The following ATP11C variants were observed in gnomAD, a reference collection of about 807,000 sequenced individuals.
ATP11C encodes the protein phospholipid-transporting ATPase IG.
Under a neutral mutation model 97.4 loss-of-function variants are expected in ATP11C, and 36 were observed. The observed-to-expected ratio is 0.37, with a 90% confidence interval of 0.28 to 0.49. ATP11C has a LOEUF of 0.49. Ranked by LOEUF, ATP11C falls within the 20% of genes least tolerant of loss-of-function variation. The pLI, the probability that ATP11C is intolerant of heterozygous loss-of-function variation, is 0.98. For synonymous variants in ATP11C, 275 were observed against 290.9 expected, an observed-to-expected ratio of 0.95 and a Z score of 0.56; for missense variants, 730 against 824.6, an observed-to-expected ratio of 0.89 and a Z score of 1.40.
rs572379798 is a variant in ATP11C at position 139,865,675 on chromosome X, C to T, written c.28-38852G>A. Among the ~76,000 whole-genome samples the T allele has an allele frequency of 3.1e-3, 347 of 110,897 alleles. 3 individuals carry two copies. The highest frequency in any genetic ancestry group is 0.011 in the African/African-American group (324 of 30,481). ...TACTCGGAGACTAAGGCAGTAGAAT[C>T]GCTTGAACCCGGGAGGCGGAGGTTG... On this transcript the variant is annotated intron_variant, in intron 1 of 29. Coordinates refer to ENST00000682941, the MANE Select transcript of ATP11C (RefSeq NM_001353812.2).
chrX:139,805,620 T>C (rs1468916914), intron 5 of ATP11C, among the ~76,000 whole-genome samples: 1 of 112,115 alleles, frequency 8.9e-6, no homozygotes, highest in Non-Finnish European at 1.9e-5. Flanking sequence ...TTGAAAATTA[T>C]AAATAATACT....
intron 19 of ATP11C, among the ~76,000 whole-genome samples, chrX:139,769,846 A>C (rs2082219183): frequency 9.0e-6 from 1 of 111,317 alleles, no homozygotes; most frequent in Admixed American, 9.6e-5. Context: ...CTGGGGTGTG[A>C]TGTGAGATTT....
At chrX:139,823,880 T>C (rs1414822640) in intron 2 of ATP11C, among the ~76,000 whole-genome samples, 1 of 110,923 alleles carries the variant, frequency 9.0e-6, no homozygotes, top group Non-Finnish European at 1.9e-5. Context: ...AGACAATCTA[T>C]AGAATGGCAG....
At chrX:139,756,551 T>C (rs1218083461) in intron 23 of ATP11C, among the ~76,000 whole-genome samples, 1 of 111,599 alleles carries the variant, frequency 9.0e-6, no homozygotes, top group Non-Finnish European at 1.9e-5. Flanking sequence ...CTTCATAATA[T>C]CAAAGATATG....
intron 1 of ATP11C, among the ~76,000 whole-genome samples, chrX:139,835,684 C>T (rs1330607139): frequency 9.3e-6 from 1 of 108,035 alleles, no homozygotes; most frequent in Non-Finnish European, 1.9e-5. Context: ...GGATTACAGC[C>T]GTGAGCCACC....
At chrX:139,772,755 A>G (rs1603355136) in intron 19 of ATP11C, among the ~76,000 whole-genome samples, 1 of 111,608 alleles carries the variant, frequency 9.0e-6, no homozygotes, top group East Asian at 2.8e-4. Context: ...GAACGGCTAT[A>G]TTTACCCAAT....
At chrX:139,924,212 G>C in intron 1 of ATP11C, 1 of 384,603 alleles carries the variant, frequency 2.6e-6, no homozygotes, top group Non-Finnish European at 5.2e-6. Flanking sequence ...ATACTTCCTG[G>C]CTCCCCCACT....
intron 1 of ATP11C, among the ~76,000 whole-genome samples, chrX:139,911,265 G>A (rs183862412): frequency 2.1e-4 from 23 of 111,493 alleles, no homozygotes; most frequent in African/African-American, 7.2e-4. Context: ...ATATGAAAAG[G>A]ACTCTTAAAG....
intron 3 of ATP11C, among the ~76,000 whole-genome samples, chrX:139,817,231 CTAT>C (rs1473875787): frequency 8.9e-6 from 1 of 112,373 alleles, no homozygotes; most frequent in Non-Finnish European, 1.9e-5. Context: ...AGCGCTTGTG[CTAT>C]TATCAGCAAA....
At chrX:139,791,170 T>C (rs780588072) in intron 12 of ATP11C, among the ~76,000 whole-genome samples, 2 of 111,298 alleles carry the variant, frequency 1.8e-5, no homozygotes, top group South Asian at 3.8e-4. Context: ...TTTTTTTTTT[T>C]CTGTTAAGCC....
rs776955107 is a variant in ATP11C at position 139,787,210 on chromosome X, A to C, written c.1555T>G (p.Tyr519Asp). The change falls in exon 15 of 30, where the codon TAT (tyrosine) becomes GAT (aspartate). Residue 519 changes from tyrosine (Y) to aspartate (D), a missense_variant. Coordinates refer to ENST00000682941, the MANE Select transcript of ATP11C (RefSeq NM_001353812.2). Reference protein sequence around the residue: ...GFTFLGNRNGYMRVENQRKEI... With the variant: ...GFTFLGNRNGDMRVENQRKEI... ...TTTCTTTGGTTCTCTACTCTCATAT[A>C]TCCATTTCGATTTCCTAAAAATGTG... 1 of 1,188,543 alleles carries C rather than the reference A, an allele frequency of 8.4e-7. No individual in the cohort carries two copies.
intron 1 of ATP11C, among the ~76,000 whole-genome samples, chrX:139,850,131 A>T (rs1249118131): frequency 1.8e-5 from 2 of 111,945 alleles, no homozygotes; most frequent in Non-Finnish European, 3.8e-5. Flanking sequence ...GATTGTTACT[A>T]TAAAAAATAA....
At chrX:139,779,917 C>T (rs2082417490) in intron 18 of ATP11C, among the ~76,000 whole-genome samples, 1 of 111,792 alleles carries the variant, frequency 8.9e-6, no homozygotes, top group Non-Finnish European at 1.9e-5. Context: ...TCCTCAGAGA[C>T]TATTATGAAC....
intron 1 of ATP11C, chrX:139,924,083 G>A: frequency 1.1e-5 from 4 of 376,014 alleles, no homozygotes; most frequent in Middle Eastern, 4.4e-4. Flanking sequence ...AGGACTATGA[G>A]CAAATGAATG....
At chrX:139,781,116 C>G (rs753710983) in intron 18 of ATP11C, among the ~76,000 whole-genome samples, 1 of 111,358 alleles carries the variant, frequency 9.0e-6, no homozygotes, top group Non-Finnish European at 1.9e-5. Flanking sequence ...GCCAATCATC[C>G]TGAATGTGAA....
Position 139,826,788 on chromosome X carries a change from T to G in ATP11C, c.63A>C (p.Thr21=), listed in dbSNP as rs1290247831. ...AGEEKRVGTR[T]VFVGNHPVSE... ...AAACTGGATGATTGCCAACAAACACTGTGCGTGTGCCAACTCGTTTCTCTT... is the reference window on the plus strand; with the variant it reads ...AAACTGGATGATTGCCAACAAACACGGTGCGTGTGCCAACTCGTTTCTCTT... The change falls in exon 2 of 30, where the codon ACA becomes ACC. Residue 21 remains threonine (T), a synonymous_variant. Transcript: ENST00000682941. 2 of 1,208,305 alleles carry G rather than the reference T, an allele frequency of 1.7e-6. No homozygotes were observed. Among genetic ancestry groups the G allele is most frequent in the Admixed American group, 4.4e-5 (2 of 45,852 alleles).
intron 28 of ATP11C, among the ~76,000 whole-genome samples, chrX:139,733,006 T>C (rs2081377672): frequency 9.0e-6 from 1 of 111,279 alleles, no homozygotes; most frequent in Admixed American, 9.6e-5. Flanking sequence ...TCTTAAGCAG[T>C]TGCAGGATAA....
At chrX:139,928,893 A>G (rs914485254) in intron 1 of ATP11C, among the ~76,000 whole-genome samples, 1 of 112,317 alleles carries the variant, frequency 8.9e-6, no homozygotes, top group Admixed American at 9.5e-5. Flanking sequence ...CTTTATCAAG[A>G]AATCTCTTAT....
At chrX:139,826,549 T>C (rs1232197821) in intron 2 of ATP11C, among the ~76,000 whole-genome samples, 155 bp downstream of exon 2, 7 of 111,539 alleles carry the variant, frequency 6.3e-5, no homozygotes, top group Non-Finnish European at 1.3e-4. Flanking sequence ...ATAAACTGTC[T>C]TTCAGAGGAA....
Sources: allele counts gnomAD v4.1 joint callset (sites outside exome capture counted in the v4.1 genomes callset), GRCh38; gene constraint gnomAD v4.1.1; transcripts MANE v1.5; gene names NCBI Gene and HGNC (gene_info 2026-07-23, HGNC 2026-07-21).